PLAC1: variants seen among roughly 807,000 people sequenced by gnomAD.
PLAC1 encodes placenta-specific protein 1.
For synonymous variants in PLAC1, 68 were observed against 62.1 expected, an observed-to-expected ratio of 1.09 and a Z score of -0.44; for missense variants, 136 against 163.2, an observed-to-expected ratio of 0.83 and a Z score of 0.91.
chrX:134,642,742 C>A (rs1392664033), intron 1 of PLAC1, among the ~76,000 whole-genome samples: 1 of 111,076 alleles, frequency 9.0e-6, no homozygotes, highest in East Asian at 2.8e-4. Flanking sequence ...AAGATTAAAG[C>A]AAAAACTTAC....
intron 2 of PLAC1, among the ~76,000 whole-genome samples, chrX:134,599,121 T>C (rs1235590944): frequency 9.0e-6 from 1 of 111,719 alleles, no homozygotes; most frequent in Non-Finnish European, 1.9e-5. Flanking sequence ...TGGATTAGCA[T>C]AGTATCTGGT....
intron 1 of PLAC1, among the ~76,000 whole-genome samples, chrX:134,657,807 G>C (rs2078399543): frequency 9.0e-6 from 1 of 110,599 alleles, no homozygotes; most frequent in Non-Finnish European, 1.9e-5. Context: ...CTGATCATCT[G>C]GGTTAATAGG....
intron 2 of PLAC1, among the ~76,000 whole-genome samples, chrX:134,570,309 G>A (rs1238684499): frequency 9.0e-6 from 1 of 111,538 alleles, no homozygotes; most frequent in African/African-American, 3.3e-5. Flanking sequence ...AGATGGGAAG[G>A]AGATGCCAGA....
chrX:134,637,600 C>A (rs1184100693), intron 1 of PLAC1, among the ~76,000 whole-genome samples: 1 of 111,793 alleles, frequency 8.9e-6, no homozygotes, highest in African/African-American at 3.3e-5. Context: ...GTAATCCCAG[C>A]ACTTTGGGAA....
intron 2 of PLAC1, among the ~76,000 whole-genome samples, chrX:134,667,305 C>T (rs2078440553): frequency 8.9e-6 from 1 of 111,843 alleles, no homozygotes; most frequent in African/African-American, 3.2e-5. Context: ...AGATTACATG[C>T]AAAACACTTA....
intron 2 of PLAC1, among the ~76,000 whole-genome samples, chrX:134,577,074 G>A (rs1355302404): frequency 8.9e-6 from 1 of 112,087 alleles, no homozygotes; most frequent in East Asian, 2.8e-4. Context: ...CTGACTCTGT[G>A]TTTTGTTACA....
At chrX:134,738,992 T>C (rs2078710423) in intron 1 of PLAC1, among the ~76,000 whole-genome samples, 1 of 112,675 alleles carries the variant, frequency 8.9e-6, no homozygotes. Flanking sequence ...TGAGGAATTC[T>C]GGCTTAAAAT....
chrX:134,644,856 G>A (rs781057761), intron 1 of PLAC1, among the ~76,000 whole-genome samples: 13 of 111,431 alleles, frequency 1.2e-4, no homozygotes, highest in East Asian at 2.8e-4. Flanking sequence ...TAGTCCAGGC[G>A]CATGTCAACT....
chrX:134,682,807 C>T (rs1458932410), intron 2 of PLAC1, among the ~76,000 whole-genome samples: 3 of 111,273 alleles, frequency 2.7e-5, no homozygotes, highest in Admixed American at 9.5e-5. Flanking sequence ...CTGCCCCCCT[C>T]GGCCTCCCAA....
At chrX:134,756,886 G>C (rs1227614758) in intron 1 of PLAC1, among the ~76,000 whole-genome samples, 1 of 111,033 alleles carries the variant, frequency 9.0e-6, no homozygotes, top group Non-Finnish European at 1.9e-5. Flanking sequence ...TATATACTTG[G>C]GTCTATTTCT....
chrX:134,752,746 G>A (rs1194260996), intron 1 of PLAC1, among the ~76,000 whole-genome samples: 1 of 111,727 alleles, frequency 9.0e-6, no homozygotes. Context: ...AAACCCACAA[G>A]TCACACTAAG....
chrX:134,614,367 T>C (rs73566623), intron 1 of PLAC1, among the ~76,000 whole-genome samples: 12,520 of 110,945 alleles, frequency 0.11, 1,761 homozygotes, highest in African/African-American at 0.39. Context: ...GGTAAGAGCA[T>C]CTAAACTCCA....
chrX:134,685,078 G>A (rs761277493), intron 2 of PLAC1, among the ~76,000 whole-genome samples: 8 of 112,512 alleles, frequency 7.1e-5, no homozygotes, highest in African/African-American at 2.6e-4. Flanking sequence ...AGTCTCTACA[G>A]AGGAGTAGCT....
chrX:134,607,204 T>A (rs761596449), intron 1 of PLAC1: 35 of 137,689 alleles, frequency 2.5e-4, no homozygotes, highest in African/African-American at 1.0e-3. Context: ...TCTCTAGGCC[T>A]TTTAGAGAAC....
At chrX:134,671,844 G>A (rs1356506112) in intron 2 of PLAC1, among the ~76,000 whole-genome samples, 1 of 111,918 alleles carries the variant, frequency 8.9e-6, no homozygotes, top group African/African-American at 3.3e-5. Context: ...CTAGTCTTCG[G>A]AATAAAGGAG....
intron 2 of PLAC1, among the ~76,000 whole-genome samples, chrX:134,701,926 C>T (rs755881811): frequency 3.6e-5 from 4 of 111,619 alleles, no homozygotes; most frequent in African/African-American, 6.5e-5. Context: ...GGCTAAGTCA[C>T]GAGAATTGCT....
At chrX:134,588,516 G>A (rs768731779) in intron 2 of PLAC1, among the ~76,000 whole-genome samples, 2 of 108,767 alleles carry the variant, frequency 1.8e-5, no homozygotes, top group East Asian at 5.8e-4. Context: ...GCAAAATGCT[G>A]GTGAATAAAT....
At chrX:134,646,587 A>C (rs1358285337) in intron 1 of PLAC1, among the ~76,000 whole-genome samples, 1 of 112,592 alleles carries the variant, frequency 8.9e-6, no homozygotes, top group Non-Finnish European at 1.9e-5. Context: ...TTATTGGATA[A>C]ATAAGGAGTG....
chrX:134,579,446 A>G (rs2077963209), intron 2 of PLAC1, among the ~76,000 whole-genome samples: 1 of 112,081 alleles, frequency 8.9e-6, no homozygotes, highest in African/African-American at 3.2e-5. Context: ...CTTCCGGACT[A>G]TGGCTCTAAA....
Sources: allele counts gnomAD v4.1 joint callset (sites outside exome capture counted in the v4.1 genomes callset), GRCh38; gene constraint gnomAD v4.1.1; transcripts MANE v1.5; gene names NCBI Gene and HGNC (gene_info 2026-07-23, HGNC 2026-07-21).